SHC3: variants seen among roughly 807,000 people sequenced by gnomAD.
SHC3 encodes SHC adaptor protein 3, also known as SHC-transforming protein 3.
A neutral mutation model predicts 60.4 loss-of-function variants in SHC3; 15 were observed. The observed-to-expected ratio is 0.25, with a 90% CI of 0.17 to 0.38. The LOEUF (loss-of-function observed/expected upper bound fraction) is 0.38, where lower values mean the gene tolerates loss of function less well. SHC3 is among the 10% of genes least tolerant of loss of function. The pLI, the probability that SHC3 is intolerant of heterozygous loss-of-function variation, is 1.00. For synonymous variants in SHC3, 294 were observed against 325.9 expected (o/e 0.90, Z 1.05); for missense variants, 677 against 786.1 (o/e 0.86, Z 1.66).
chr9:89,133,767 G>T (rs536091210), intron 1 of SHC3, among the ~76,000 whole-genome samples: 3 of 152,222 alleles, frequency 2.0e-5, no homozygotes, highest in South Asian at 2.1e-4. Flanking sequence ...GTCATGGGGT[G>T]GGGGGAGCTG....
chr9:89,052,437 GTTC>G (rs1335384837), intron 6 of SHC3, among the ~76,000 whole-genome samples: 2 of 152,178 alleles, frequency 1.3e-5, no homozygotes, highest in Non-Finnish European at 2.9e-5. Flanking sequence ...TCAATTTGAT[GTTC>G]TTCAATTTCT....
chr9:89,020,518 T>C (rs1164762974), intron 11 of SHC3, among the ~76,000 whole-genome samples: 1 of 152,132 alleles, frequency 6.6e-6, no homozygotes, highest in Non-Finnish European at 1.5e-5. Context: ...CGTACGTCCA[T>C]GTCAAAGCAG....
At chr9:89,174,348 G>A (rs1826912222) in intron 1 of SHC3, among the ~76,000 whole-genome samples, 1 of 152,168 alleles carries the variant, frequency 6.6e-6, no homozygotes, top group Non-Finnish European at 1.5e-5. Context: ...TATCAGGAAG[G>A]GTCCAGTGTA....
chr9:89,027,619 G>A (rs555229634), intron 11 of SHC3, among the ~76,000 whole-genome samples: 16 of 151,936 alleles, frequency 1.1e-4, no homozygotes, highest in Non-Finnish European at 1.6e-4. Flanking sequence ...CACTGTGCCC[G>A]GCCAAAATGC....
chr9:89,030,962 G>C (rs906446292), intron 11 of SHC3, among the ~76,000 whole-genome samples: 29 of 152,202 alleles, frequency 1.9e-4, no homozygotes, highest in African/African-American at 6.7e-4. Context: ...CCAGCCTGGA[G>C]AGCAGTTGTA....
In SHC3 at chr9:89,079,213, T is replaced by C. The variant is rs1298073893; in HGVS notation, c.546-1310A>G. Among the ~76,000 whole-genome samples the C allele has an allele frequency of 1.3e-4, 20 of 152,260 alleles. 1 individual carries two copies. Among genetic ancestry groups the C allele is most frequent in the Admixed American group, 1.2e-3 (19 of 15,288 alleles). On this transcript the variant is annotated intron_variant, in intron 2 of 11. Transcript: ENST00000375835. ...ATTTTATAATAATATTCTAACTGTG[T>C]TTCTATCAAAGTGACCAATCACGTA...
chr9:89,172,688 A>G (rs1201789830), intron 1 of SHC3, among the ~76,000 whole-genome samples: 1 of 152,108 alleles, frequency 6.6e-6, no homozygotes, highest in Non-Finnish European at 1.5e-5. Flanking sequence ...TCCACCACAT[A>G]CTATAGAACT....
Position 89,046,957 on chromosome 9 carries a change from C to T in SHC3, c.1000G>A (p.Gly334Arg). 1.2e-6 allele frequency: 2 copies of T among 1,609,200 alleles called. No individual in the cohort carries two copies. Among genetic ancestry groups the T allele is most frequent in the Non-Finnish European group, 8.5e-7 (1 of 1,177,820 alleles). Residue 334 changes from glycine to arginine, a missense_variant, in exon 8 of 12, where the codon GGA (glycine) becomes AGA (arginine). Coordinates refer to ENST00000375835, the MANE Select transcript of SHC3 (RefSeq NM_016848.6). The stretch of plus-strand genomic sequence containing the variant: ...TAGTATGGGTGGTCTGAGCCATCTC[C>T]CTCCTCTTCCGTCCATGGCTCATCC... Reference protein sequence around the residue: ...SLDEPWTEEEGDGSDHPYYNS... With the variant: ...SLDEPWTEEERDGSDHPYYNS...
chr9:89,044,728 C>A (rs1824743194), intron 9 of SHC3, among the ~76,000 whole-genome samples: 1 of 152,160 alleles, frequency 6.6e-6, no homozygotes, highest in Non-Finnish European at 1.5e-5. Flanking sequence ...GAGCAATTAG[C>A]AGTTACTTCT....
intron 1 of SHC3, among the ~76,000 whole-genome samples, chr9:89,134,034 T>C (rs1294802644): frequency 6.6e-6 from 1 of 152,122 alleles, no homozygotes; most frequent in Non-Finnish European, 1.5e-5. Flanking sequence ...TTCTGTCTGG[T>C]GTCCTAGGCT....
chr9:89,026,586 C>T (rs1826308081), intron 11 of SHC3, among the ~76,000 whole-genome samples: 1 of 152,230 alleles, frequency 6.6e-6, no homozygotes, highest in Non-Finnish European at 1.5e-5. Flanking sequence ...ACCCTGGGCA[C>T]ATGTTCTCAG....
chr9:89,045,870 A>G, intron 8 of SHC3, 37 bp from the exon 9 acceptor site: 3 of 1,600,684 alleles, frequency 1.9e-6, no homozygotes, highest in Non-Finnish European at 2.6e-6. Flanking sequence ...TGAAAAAATT[A>G]TTTTCTTCTC....
intron 9 of SHC3, among the ~76,000 whole-genome samples, chr9:89,043,819 AT>A (rs1824730485): frequency 6.6e-6 from 1 of 151,872 alleles, no homozygotes; most frequent in Admixed American, 6.6e-5. Context: ...TGCACAGCTA[AT>A]TTTTTGTATT....
At chr9:89,013,619 G>A (rs2118631309) in intron 11 of SHC3, 44 bp from the exon 12 acceptor site, 5 of 1,584,596 alleles carry the variant, frequency 3.2e-6, no homozygotes, top group Admixed American at 3.6e-5. Context: ...CTCACAGGCA[G>A]CAAAAAGAGA....
intron 1 of SHC3, among the ~76,000 whole-genome samples, chr9:89,170,939 G>C (rs1358253314): frequency 6.6e-6 from 1 of 152,120 alleles, no homozygotes; most frequent in Non-Finnish European, 1.5e-5. Context: ...TGGTATCCAT[G>C]GGGTTCCTGG....
At chr9:89,144,371 A>C (rs919493482) in intron 1 of SHC3, among the ~76,000 whole-genome samples, 1 of 152,258 alleles carries the variant, frequency 6.6e-6, no homozygotes, top group African/African-American at 2.4e-5. Context: ...TGGAGTATGC[A>C]CTGGCACCCC....
intron 1 of SHC3, among the ~76,000 whole-genome samples, chr9:89,132,551 T>C (rs370025026): frequency 8.6e-4 from 131 of 152,138 alleles, no homozygotes; most frequent in African/African-American, 3.1e-3. Context: ...GGTACTGGTA[T>C]CAAAACAGAG....
intron 6 of SHC3, among the ~76,000 whole-genome samples, chr9:89,062,673 T>C (rs1462887243): frequency 2.0e-5 from 3 of 152,198 alleles, no homozygotes; most frequent in African/African-American, 7.2e-5. Flanking sequence ...TTAGGGGCTG[T>C]GCCTGCAGCC....
chr9:89,049,520 T>C (rs187930269), intron 7 of SHC3, among the ~76,000 whole-genome samples: 128 of 152,378 alleles, frequency 8.4e-4, no homozygotes, highest in Non-Finnish European at 1.5e-3. Context: ...ATTTGGCTTT[T>C]ATTCAACATT....
Sources: allele counts gnomAD v4.1 joint callset (sites outside exome capture counted in the v4.1 genomes callset), GRCh38; gene constraint gnomAD v4.1.1; transcripts MANE v1.5; gene names NCBI Gene and HGNC (gene_info 2026-07-23, HGNC 2026-07-21).